The following ARID4B variants were observed in gnomAD, a reference collection of about 807,000 sequenced individuals.
The protein encoded by ARID4B is AT-rich interaction domain 4B.
Under a neutral mutation model 147.5 loss-of-function variants are expected in ARID4B, and 26 were observed. The ratio of observed to expected loss-of-function variants is 0.18; its 90% CI spans 0.13 to 0.24. The LOEUF (loss-of-function observed/expected upper bound fraction) is 0.24. ARID4B is among the 10% of genes least tolerant of loss of function. The pLI is 1.00. For missense variants in ARID4B, 1,179 were observed against 1,511.5 expected (o/e 0.78, Z 3.65); for synonymous variants, 512 against 507.9 (o/e 1.01, Z -0.11).
At chr1:235,210,927 T>C (rs1276301339) in intron 17 of ARID4B, among the ~76,000 whole-genome samples, 1 of 152,260 alleles carries the variant, frequency 6.6e-6, no homozygotes, top group African/African-American at 2.4e-5. Flanking sequence ...CTCTTTCTTT[T>C]AGTCAATCTT....
chr1:235,270,875 T>C (rs1378003631), intron 2 of ARID4B, among the ~76,000 whole-genome samples: 2 of 152,110 alleles, frequency 1.3e-5, no homozygotes, highest in Non-Finnish European at 2.9e-5. Flanking sequence ...TAGTGGAGGA[T>C]TCAGGCAGTT....
chr1:235,174,877 G>A (rs555794811), intron 22 of ARID4B, among the ~76,000 whole-genome samples: 11 of 150,904 alleles, frequency 7.3e-5, no homozygotes, highest in South Asian at 2.1e-4. Context: ...AGGCCGAGGC[G>A]GGCGGATCAT....
chr1:235,236,862 ATTTTTT>A (rs869157061), intron 8 of ARID4B, among the ~76,000 whole-genome samples: 458 of 17,378 alleles, frequency 0.026, 6 homozygotes, highest in Non-Finnish European at 0.031. Flanking sequence ...ATATATATAT[ATTTTTT>A]TTTTTTTTTT....
chr1:235,192,295 G>T (rs986155067), intron 19 of ARID4B, among the ~76,000 whole-genome samples: 3 of 151,632 alleles, frequency 2.0e-5, no homozygotes, highest in Non-Finnish European at 2.9e-5. Context: ...GTAAAGCAAG[G>T]ATTACACAAA....
chr1:235,268,937 C>T (rs1238893800), intron 2 of ARID4B, among the ~76,000 whole-genome samples: 2 of 152,148 alleles, frequency 1.3e-5, no homozygotes, highest in Non-Finnish European at 2.9e-5. Flanking sequence ...TTCAAACAGA[C>T]ACAGGAAGCA....
At chr1:235,212,668 C>T in intron 17 of ARID4B, among the ~76,000 whole-genome samples, 1 of 152,182 alleles carries the variant, frequency 6.6e-6, no homozygotes, top group Non-Finnish European at 1.5e-5. Context: ...TATATATTTT[C>T]TATGAGTACA....
intron 2 of ARID4B, among the ~76,000 whole-genome samples, chr1:235,293,601 TAAGTC>T (rs1453842657): frequency 6.6e-6 from 1 of 151,864 alleles, no homozygotes; most frequent in Non-Finnish European, 1.5e-5. Flanking sequence ...AAACCTAGGT[TAAGTC>T]AAGTTTGGAT....
chr1:235,234,370 A>G (rs749352715), intron 9 of ARID4B, 43 bp downstream of exon 9: 35 of 1,256,262 alleles, frequency 2.8e-5, no homozygotes, highest in Non-Finnish European at 3.9e-5. Flanking sequence ...ATAACAGCAT[A>G]TATTTATAAA....
At chr1:235,172,978 A>C (rs1453923520) in intron 22 of ARID4B, among the ~76,000 whole-genome samples, 2 of 152,174 alleles carry the variant, frequency 1.3e-5, no homozygotes, top group African/African-American at 2.4e-5. Flanking sequence ...GAATATGTAC[A>C]GCATTAAACA....
chr1:235,260,860 T>C (rs763791707), intron 2 of ARID4B, 108 bp from the exon 3 acceptor site: 4 of 706,788 alleles, frequency 5.7e-6, no homozygotes, highest in Non-Finnish European at 2.3e-6. Context: ...GTTATAAATA[T>C]GAAATGTATG....
chr1:235,174,768 T>C (rs963606813), intron 22 of ARID4B, among the ~76,000 whole-genome samples: 2 of 151,762 alleles, frequency 1.3e-5, no homozygotes, highest in Non-Finnish European at 2.9e-5. Context: ...GCAGAGACTA[T>C]GCCACTGCAC....
At chr1:235,169,843 G>A (rs765727727) in intron 23 of ARID4B, among the ~76,000 whole-genome samples, 95 of 152,120 alleles carry the variant, frequency 6.2e-4, no homozygotes, top group Non-Finnish European at 1.3e-3. Context: ...TCTATTTTTA[G>A]TAGAGATGGG....
At chr1:235,243,626 G>A (rs186412403) in intron 7 of ARID4B, among the ~76,000 whole-genome samples, 5 of 152,110 alleles carry the variant, frequency 3.3e-5, no homozygotes, top group East Asian at 1.9e-4. Flanking sequence ...CAAGAAAGAC[G>A]AACTTTAGAC....
intron 10 of ARID4B, among the ~76,000 whole-genome samples, chr1:235,230,726 G>A (rs947870663): frequency 2.6e-5 from 4 of 151,546 alleles, no homozygotes; most frequent in African/African-American, 7.3e-5. Context: ...GTTCGAGACC[G>A]GCCTGGGCAA....
intron 2 of ARID4B, among the ~76,000 whole-genome samples, chr1:235,321,930 T>C (rs1231213031): frequency 6.6e-6 from 1 of 151,886 alleles, no homozygotes; most frequent in Non-Finnish European, 1.5e-5. Flanking sequence ...GCTCTCCCCT[T>C]GTTTTTGCAG....
At chr1:235,319,765 G>A (rs536412695) in intron 2 of ARID4B, among the ~76,000 whole-genome samples, 1 of 152,176 alleles carries the variant, frequency 6.6e-6, no homozygotes, top group Non-Finnish European at 1.5e-5. Flanking sequence ...GCCAAGGCGG[G>A]CGGATCACTT....
At chr1:235,215,426 A>G (rs995781483) in intron 16 of ARID4B, among the ~76,000 whole-genome samples, 13 of 152,076 alleles carry the variant, frequency 8.5e-5, no homozygotes, top group Non-Finnish European at 1.8e-4. Flanking sequence ...CAGATAGTTT[A>G]GTATTTAAGC....
chr1:235,245,317 C>T (rs1246058970), intron 7 of ARID4B, among the ~76,000 whole-genome samples: 4 of 151,880 alleles, frequency 2.6e-5, no homozygotes, highest in Admixed American at 1.3e-4. Context: ...AGTTGGGGAA[C>T]GACAGAAGAG....
At chr1:235,289,972 G>C (rs1169682137) in intron 2 of ARID4B, among the ~76,000 whole-genome samples, 1 of 151,516 alleles carries the variant, frequency 6.6e-6, no homozygotes, top group Non-Finnish European at 1.5e-5. Flanking sequence ...AGAGGTTGCA[G>C]TGTGCCCCTA....
Sources: gnomAD v4.1 joint callset for allele counts (sites outside exome capture counted in the v4.1 genomes callset) on GRCh38, gnomAD v4.1.1 for gene constraint, MANE v1.5 for transcripts, NCBI Gene and HGNC (gene_info 2026-07-23, HGNC 2026-07-21) for gene names.